The following ZNF98 variants were observed in gnomAD, a reference collection of about 807,000 sequenced individuals.
The protein encoded by ZNF98 is zinc finger protein 739.
ZNF98 carries 8 observed loss-of-function variants against 12.8 expected under a neutral mutation model. The observed-to-expected ratio is 0.63, with a 90% confidence interval of 0.37 to 1.13. ZNF98 has a LOEUF of 1.13. ZNF98 is among the 50% of genes most tolerant of loss of function. The pLI is 0.01. For synonymous variants in ZNF98, 112 were observed against 223.5 expected (o/e 0.50, Z 4.45); for missense variants, 379 against 666.1 (o/e 0.57, Z 4.74).
chr19:22,418,394 G>A (rs1193133755), intron 1 of ZNF98, among the ~76,000 whole-genome samples: 1 of 152,134 alleles, frequency 6.6e-6, no homozygotes, highest in Non-Finnish European at 1.5e-5. Context: ...GAAAAAAAAT[G>A]GGGAAAGATG....
In ZNF98 at chr19:22,395,696, T is replaced by G. The variant is rs183791252; in HGVS notation, c.254-2715A>C. On this transcript the variant is annotated intron_variant, in intron 3 of 3. Coordinates refer to ENST00000357774, the MANE Select transcript of ZNF98 (RefSeq NM_001098626.2). ...CAAATTAGGATACACACACAGATAT[T>G]TAAACAAATACATATTAAGCACATT... 4.2e-3 allele frequency among the ~76,000 whole-genome samples: 646 copies of G among 152,058 alleles called. 5 individuals carry two copies. The highest frequency in any genetic ancestry group is 7.1e-3 in the Non-Finnish European group (481 of 67,964).
Position 22,391,792 on chromosome 19 carries a change from C to T in ZNF98, c.1443G>A (p.Lys481=), listed in dbSNP as rs763301832. 17 of 1,601,444 alleles carry T rather than the reference C, an allele frequency of 1.1e-5. No homozygotes were observed. Among genetic ancestry groups the T allele is most frequent in the African/African-American group, 8.1e-5 (6 of 74,346 alleles). ...AGGGCTTCTCTCCAGTATGAATTACCTTATGTTTAGAAAGAGTTGAGGACT... is the reference window on the plus strand; with the variant it reads ...AGGGCTTCTCTCCAGTATGAATTACTTTATGTTTAGAAAGAGTTGAGGACT... ...FNQSSTLSKH[K]VIHTGEKPYK... The change falls in exon 4 of 4, where the codon AAG becomes AAA. Residue 481 remains lysine, a synonymous_variant. Transcript: ENST00000357774.
Position 22,393,056 on chromosome 19 carries a change from A to C in ZNF98, c.254-75T>G, listed in dbSNP as rs775270032. On this transcript the variant is annotated intron_variant, in intron 3 of 3. Coordinates refer to ENST00000357774, the MANE Select transcript of ZNF98 (RefSeq NM_001098626.2). ...ATGTACTTTACAAATCTAACCTATA[A>C]AATTATACAAACTACATCACAAGAT... 241 of 1,360,856 alleles carry C rather than the reference A, an allele frequency of 1.8e-4. 1 individual carries two copies. The highest frequency in any genetic ancestry group is 2.3e-4 in the Non-Finnish European group (238 of 1,041,662). The allele number at this position is 1,360,856 out of a possible 1,614,324, so 84.3% of individuals were successfully genotyped here. A position where few individuals can be genotyped will look rare whatever the true frequency, so the allele number is the denominator to read the frequency against.
At chr19:22,401,603 C>A (rs1391747165) in intron 3 of ZNF98, among the ~76,000 whole-genome samples, 1 of 151,472 alleles carries the variant, frequency 6.6e-6, no homozygotes. Context: ...TCCGCCTCAG[C>A]CTCCCAAGTA....
At chr19:22,421,248 A>C (rs1969700191) in intron 1 of ZNF98, among the ~76,000 whole-genome samples, 1 of 152,368 alleles carries the variant, frequency 6.6e-6, no homozygotes, top group Non-Finnish European at 1.5e-5. Context: ...CTAAAAAACA[A>C]ATAATAAATA....
At chr19:22,401,340 T>C (rs901572457) in intron 3 of ZNF98, among the ~76,000 whole-genome samples, 1 of 152,060 alleles carries the variant, frequency 6.6e-6, no homozygotes, top group Non-Finnish European at 1.5e-5. Flanking sequence ...CAGAAAGCAA[T>C]CTTATTTACA....
chr19:22,409,190 A>G (rs1969554076), intron 1 of ZNF98, among the ~76,000 whole-genome samples: 1 of 152,218 alleles, frequency 6.6e-6, no homozygotes, highest in Non-Finnish European at 1.5e-5. Context: ...GCAATGGGGA[A>G]AGGATTTTCT....
intron 3 of ZNF98, among the ~76,000 whole-genome samples, chr19:22,399,641 GACATA>G (rs1241885891): frequency 3.3e-5 from 5 of 151,974 alleles, no homozygotes; most frequent in Admixed American, 6.6e-5. Flanking sequence ...ATTCACCTCA[GACATA>G]ACATGTCAAT....
At chr19:22,418,888 C>T (rs1168117974) in intron 1 of ZNF98, among the ~76,000 whole-genome samples, 1 of 152,108 alleles carries the variant, frequency 6.6e-6, no homozygotes, top group African/African-American at 2.4e-5. Flanking sequence ...CAAAAAAAAG[C>T]TGAATTTTTC....
intron 1 of ZNF98, among the ~76,000 whole-genome samples, chr19:22,420,647 A>C (rs139939983): frequency 0.01 from 1,585 of 152,236 alleles, 31 homozygotes; most frequent in African/African-American, 0.036. Context: ...CTATGAAAGA[A>C]AACGACTTAG....
chr19:22,414,904 T>G (rs1272731246), intron 1 of ZNF98, among the ~76,000 whole-genome samples: 2 of 152,104 alleles, frequency 1.3e-5, no homozygotes, highest in Non-Finnish European at 2.9e-5. Flanking sequence ...CTAAAAAGCT[T>G]CTTCACAGCA....
intron 1 of ZNF98, among the ~76,000 whole-genome samples, chr19:22,418,952 C>A (rs747966468): frequency 1.8e-4 from 27 of 152,110 alleles, no homozygotes; most frequent in Non-Finnish European, 3.1e-4. Context: ...AGTTTATCTC[C>A]GCCCCATAGG....
intron 3 of ZNF98, among the ~76,000 whole-genome samples, chr19:22,393,278 T>C (rs1969353928): frequency 6.6e-6 from 1 of 152,192 alleles, no homozygotes; most frequent in Non-Finnish European, 1.5e-5. Flanking sequence ...CTATATAACA[T>C]AGTGACTTTA....
At chr19:22,409,343 G>C (rs975432229) in intron 1 of ZNF98, among the ~76,000 whole-genome samples, 1 of 152,086 alleles carries the variant, frequency 6.6e-6, no homozygotes, top group Non-Finnish European at 1.5e-5. Flanking sequence ...AACCCTAGAA[G>C]AAAACCTAGG....
chr19:22,391,752 A>C lies in ZNF98; in HGVS notation c.1483T>G (p.Cys495Gly), dbSNP rs1969325828. The C allele has an allele frequency of 6.2e-7, 1 of 1,612,786 alleles. No homozygotes were observed. Among genetic ancestry groups the C allele is most frequent in the African/African-American group, 1.3e-5 (1 of 74,910 alleles). The change falls in exon 4 of 4, where the codon TGT (cysteine) becomes GGT (glycine). Residue 495 changes from cysteine (C) to glycine (G), a missense_variant. Cys to Gly is a radical substitution (Grantham distance 159, BLOSUM62 -3). Coordinates refer to ENST00000357774, the MANE Select transcript of ZNF98 (RefSeq NM_001098626.2). ...TGEKPYKCEE[C>G]GKAFNQSSHL... Reference sequence around the variant, plus strand: ...GAGGACTGGTTAAAAGCTTTGCCACATTCTTCACATTTGTAGGGCTTCTCT... The same window carrying C: ...GAGGACTGGTTAAAAGCTTTGCCACCTTCTTCACATTTGTAGGGCTTCTCT...
chr19:22,413,389 T>C (rs1969602247), intron 1 of ZNF98, among the ~76,000 whole-genome samples: 1 of 152,128 alleles, frequency 6.6e-6, no homozygotes, highest in Admixed American at 6.5e-5. Flanking sequence ...TCAGTAAAAT[T>C]TCAGAATACA....
intron 1 of ZNF98, among the ~76,000 whole-genome samples, chr19:22,414,688 A>AAGATT (rs141913492): frequency 0.022 from 3,366 of 152,284 alleles, 123 homozygotes; most frequent in African/African-American, 0.077. Flanking sequence ...CACTATGTAG[A>AAGATT]AGATTGAAAC....
chr19:22,402,151 G>A (rs1969465327), intron 3 of ZNF98, among the ~76,000 whole-genome samples: 1 of 139,186 alleles, frequency 7.2e-6, no homozygotes, highest in African/African-American at 2.7e-5. Context: ...ACTCCAGCCT[G>A]GGTGACAGAG....
At chr19:22,399,417 T>TA (rs1347773255) in intron 3 of ZNF98, among the ~76,000 whole-genome samples, 2 of 152,178 alleles carry the variant, frequency 1.3e-5, no homozygotes, top group African/African-American at 4.8e-5. Context: ...AAAACTGCTG[T>TA]AATCCAAATT....
Sources: allele counts gnomAD v4.1 joint callset (sites outside exome capture counted in the v4.1 genomes callset), GRCh38; gene constraint gnomAD v4.1.1; transcripts MANE v1.5; gene names NCBI Gene and HGNC (gene_info 2026-07-23, HGNC 2026-07-21).